The following FLT1 variants were observed in gnomAD, a reference collection of about 807,000 sequenced individuals.
The protein encoded by FLT1 is fms related receptor tyrosine kinase 1, also known as vascular endothelial growth factor receptor 1.
A neutral mutation model predicts 156.3 loss-of-function variants in FLT1; 49 were observed. The observed-to-expected ratio is 0.31, with a 90% CI of 0.25 to 0.40. The LOEUF (loss-of-function observed/expected upper bound fraction) is 0.40. Among genes scored for constraint, FLT1 ranks in the 10% least tolerant of loss-of-function variants. The probability of loss-of-function intolerance (pLI) is 1.00; values close to 1 mark genes in which losing one functional copy is unlikely to be tolerated. For synonymous variants in FLT1, 594 were observed against 583.8 expected (o/e 1.02, Z -0.25); for missense variants, 1,322 against 1,637.2 (o/e 0.81, Z 3.32).
chr13:28,339,375 ACT>A (rs1307299272), intron 16 of FLT1, 75 bp from the exon 17 acceptor site: 3 of 1,511,804 alleles, frequency 2.0e-6, no homozygotes, highest in Non-Finnish European at 2.7e-6. Context: ...GTTAACATCC[ACT>A]GTTTTATTTG....
chr13:28,470,249 T>C (rs1317029250), intron 1 of FLT1, among the ~76,000 whole-genome samples: 2 of 152,230 alleles, frequency 1.3e-5, no homozygotes, highest in African/African-American at 4.8e-5. Flanking sequence ...TATGAGTTTC[T>C]TGAGGCAACA....
Position 28,303,063 on chromosome 13 carries a change from A to C in FLT1, c.*104T>G, listed in dbSNP as rs142337416. On this transcript the variant is annotated 3_prime_UTR_variant, in exon 30 of 30. Coordinates refer to ENST00000282397, the MANE Select transcript of FLT1 (RefSeq NM_002019.4). Reference sequence around the variant, plus strand: ...CACAAAAAGCAGCTGGCTCCCATGGAAAGATAAAGGTGTAAACTTATATAT... The same window carrying C: ...CACAAAAAGCAGCTGGCTCCCATGGCAAGATAAAGGTGTAAACTTATATAT... The C allele has an allele frequency of 1.1e-4, 111 of 1,029,152 alleles. 2 individuals are homozygous for C. The East Asian group carries it at 2.7e-3, about 25-fold the overall frequency. The allele number at this position is 1,029,152 out of a possible 1,614,324, so 63.8% of individuals were successfully genotyped here. A position where few individuals can be genotyped will look rare whatever the true frequency, so the allele number is the denominator to read the frequency against.
intron 1 of FLT1, among the ~76,000 whole-genome samples, chr13:28,483,340 G>A (rs1420788759): frequency 6.6e-6 from 1 of 152,132 alleles, no homozygotes; most frequent in Non-Finnish European, 1.5e-5. Context: ...CCAACTTAGA[G>A]AAAGAAAACA....
At chr13:28,391,134 TG>T (rs1435311034) in intron 12 of FLT1, among the ~76,000 whole-genome samples, 1 of 152,154 alleles carries the variant, frequency 6.6e-6, no homozygotes, top group Non-Finnish European at 1.5e-5. Flanking sequence ...GATTCTAAAA[TG>T]GGGGTGATAG....
intron 1 of FLT1, among the ~76,000 whole-genome samples, chr13:28,477,628 TAA>T (rs1566053844): frequency 6.6e-6 from 1 of 152,174 alleles, no homozygotes; most frequent in Non-Finnish European, 1.5e-5. Flanking sequence ...CTTTACACCC[TAA>T]AAATGCATAC....
chr13:28,317,188 T>C (rs1871245610), intron 25 of FLT1, among the ~76,000 whole-genome samples: 1 of 152,216 alleles, frequency 6.6e-6, no homozygotes, highest in Non-Finnish European at 1.5e-5. Flanking sequence ...GTGGTCTGTT[T>C]GTTTTGCCTG....
chr13:28,305,636 G>A (rs751572090), intron 29 of FLT1, among the ~76,000 whole-genome samples: 1 of 152,196 alleles, frequency 6.6e-6, no homozygotes, highest in African/African-American at 2.4e-5. Context: ...CCTACTTGAT[G>A]ATGTATTGTC....
chr13:28,489,316 C>T (rs543412178), intron 1 of FLT1, among the ~76,000 whole-genome samples: 5 of 152,180 alleles, frequency 3.3e-5, no homozygotes, highest in African/African-American at 1.2e-4. Flanking sequence ...ATAGTGTGGC[C>T]ACATATTCAT....
chr13:28,369,919 G>T (rs1233426396), intron 14 of FLT1, among the ~76,000 whole-genome samples: 3 of 152,110 alleles, frequency 2.0e-5, no homozygotes, highest in South Asian at 4.1e-4. Flanking sequence ...TGCCATATAG[G>T]CCGGGTGCAG....
chr13:28,303,452 G>C, intron 29 of FLT1, 84 bp from the exon 30 acceptor site: 1 of 1,235,034 alleles, frequency 8.1e-7, no homozygotes, highest in South Asian at 1.3e-5. Context: ...TTTCTGAGTG[G>C]GTCATTTGTT....
chr13:28,357,439 T>G (rs1593705597), intron 15 of FLT1, 115 bp downstream of exon 15: 22 of 1,062,686 alleles, frequency 2.1e-5, no homozygotes, highest in Admixed American at 1.1e-4. Flanking sequence ...GAGAAGGAGG[T>G]CAGGGAAAGG....
At chr13:28,465,116 C>G (rs1458778055) in intron 3 of FLT1, among the ~76,000 whole-genome samples, 1 of 152,160 alleles carries the variant, frequency 6.6e-6, no homozygotes, top group Non-Finnish European at 1.5e-5. Context: ...GTCTTTCCCC[C>G]TCAGCTGCAA....
chr13:28,409,102 C>T (rs1875985473), intron 10 of FLT1, among the ~76,000 whole-genome samples: 1 of 152,176 alleles, frequency 6.6e-6, no homozygotes, highest in Admixed American at 6.5e-5. Flanking sequence ...TGTGGAACTC[C>T]CCATCTGGTC....
chr13:28,349,071 A>G (rs1409501875), intron 15 of FLT1, among the ~76,000 whole-genome samples: 1 of 152,210 alleles, frequency 6.6e-6, no homozygotes, highest in Non-Finnish European at 1.5e-5. Flanking sequence ...CTGGTATTCA[A>G]CTATGAACTG....
chr13:28,301,608 G>A lies in FLT1; in HGVS notation c.*1559C>T, dbSNP rs2138799444. 4.3e-6 allele frequency: 1 copy of A among 233,372 alleles called. No homozygotes were observed. The highest frequency in any genetic ancestry group is 8.5e-6 in the Non-Finnish European group (1 of 117,872). 14.5% of individuals were successfully genotyped at this position (233,372 alleles called of 1,614,324 possible). On this transcript the variant is annotated 3_prime_UTR_variant, in exon 30 of 30. Coordinates refer to ENST00000282397, the MANE Select transcript of FLT1 (RefSeq NM_002019.4). ...TCTCCCCAAGAAGCAGCAATCCACT[G>A]TTGCCTCTCCAGCTTCTGACTGGCT...
At chr13:28,343,305 CT>C (rs1182605676) in intron 16 of FLT1, among the ~76,000 whole-genome samples, 1,840 of 144,398 alleles carry the variant, frequency 0.013, 39 homozygotes, top group African/African-American at 0.042. Flanking sequence ...TCTTTCTTTT[CT>C]TTTTTTTTTT....
intron 14 of FLT1, among the ~76,000 whole-genome samples, chr13:28,372,718 C>T (rs1873676707): frequency 6.6e-6 from 1 of 150,616 alleles, no homozygotes; most frequent in Non-Finnish European, 1.5e-5. Flanking sequence ...CCCGTCTCTA[C>T]TAAAAATACA....
chr13:28,451,422 C>T (rs7317419), intron 3 of FLT1, among the ~76,000 whole-genome samples: 17,842 of 152,122 alleles, frequency 0.12, 1,526 homozygotes, highest in African/African-American at 0.23. Flanking sequence ...GACTTCGTCT[C>T]AAAACAAAAA....
intron 4 of FLT1, 118 bp downstream of exon 4, chr13:28,438,103 G>T: frequency 1.1e-6 from 1 of 951,578 alleles, no homozygotes; most frequent in Non-Finnish European, 1.7e-6. Flanking sequence ...TTACAGGAAA[G>T]TCCACTGAGA....
Sources: gnomAD v4.1 joint callset for allele counts (sites outside exome capture counted in the v4.1 genomes callset) on GRCh38, gnomAD v4.1.1 for gene constraint, MANE v1.5 for transcripts, NCBI Gene and HGNC (gene_info 2026-07-23, HGNC 2026-07-21) for gene names.